Variants in ADAM9 observed in about 807,000 individuals in gnomAD.
The protein encoded by ADAM9 is ADAM metallopeptidase domain 9, also known as disintegrin and metalloproteinase domain-containing protein 9.
A neutral mutation model predicts 108.1 loss-of-function variants in ADAM9; 54 were observed. The ratio of observed to expected loss-of-function variants is 0.50; its 90% confidence interval spans 0.40 to 0.63. The LOEUF is 0.63. Among genes scored for constraint, ADAM9 ranks in the 20% least tolerant of loss-of-function variants. ADAM9 has a pLI of 0.00. For synonymous variants in ADAM9, 316 were observed against 336.0 expected, an observed-to-expected ratio of 0.94 and a Z score of 0.65; for missense variants, 830 against 997.7, an observed-to-expected ratio of 0.83 and a Z score of 2.26.
intron 1 of ADAM9, among the ~76,000 whole-genome samples, chr8:39,007,194 G>C (rs1238736051): frequency 1.3e-5 from 2 of 152,118 alleles, no homozygotes; most frequent in African/African-American, 2.4e-5. Context: ...CAAGAGAGAT[G>C]GGGGAGAGAG....
chr8:39,055,772 A>C lies in ADAM9; in HGVS notation c.1591A>C (p.Lys531Gln). 1.2e-6 allele frequency: 2 copies of C among 1,612,516 alleles called. No homozygotes were observed. Among genetic ancestry groups the C allele is most frequent in the South Asian group, 1.1e-5 (1 of 90,990 alleles). Residue 531 changes from lysine (K) to glutamine (Q), a missense_variant and splice_region_variant, in exon 14 of 22, where the codon AAA becomes CAA. By Grantham distance (53) the Lys-to-Gln change is moderately conservative. Transcript: ENST00000487273. ...TCAATGTCAAGTCATCTTTGGCTCA[A>C]GTAAGATATCATCATTTATAATTGA... ...DAQCQVIFGS[K>Q]AKAAPKDCFI...
chr8:39,016,259 T>G, intron 5 of ADAM9, 65 bp downstream of exon 5: 1 of 1,407,726 alleles, frequency 7.1e-7, no homozygotes, highest in Non-Finnish European at 1.0e-6. Flanking sequence ...TTCCTGTTTC[T>G]GTCTCCAAAT....
intron 14 of ADAM9, among the ~76,000 whole-genome samples, chr8:39,069,358 C>A (rs1440848875): frequency 6.6e-6 from 1 of 152,060 alleles, no homozygotes; most frequent in African/African-American, 2.4e-5. Context: ...AAAGATAAGT[C>A]AATTCTGGTG....
intron 4 of ADAM9, chr8:39,015,907 C>T: frequency 1.8e-6 from 1 of 546,382 alleles, no homozygotes; most frequent in East Asian, 3.1e-5. Context: ...GGAATTTTGC[C>T]TAAACATTTG....
chr8:39,046,027 A>G (rs978493038), intron 12 of ADAM9, among the ~76,000 whole-genome samples: 1 of 152,028 alleles, frequency 6.6e-6, no homozygotes, highest in Non-Finnish European at 1.5e-5. Context: ...CTTCTGAGGA[A>G]TGGATTTTAT....
In ADAM9 at chr8:39,083,085, A is replaced by G. The variant is rs770577298; in HGVS notation, c.2068+12A>G. 4.4e-6 allele frequency: 7 copies of G among 1,608,892 alleles called. No individual in the cohort carries two copies. In the South Asian group the frequency reaches 7.7e-5, roughly 18 times the overall value. On this transcript the variant is annotated intron_variant, in intron 18 of 21. Coordinates refer to ENST00000487273, the MANE Select transcript of ADAM9 (RefSeq NM_003816.3). ...ACCTACATACAATGGCAAGTAATAT[A>G]GAAGAAAATTAGTGTGATCTCCCAG...
intron 21 of ADAM9, 33 bp downstream of exon 21, chr8:39,101,963 A>G: frequency 6.4e-7 from 1 of 1,555,834 alleles, no homozygotes; most frequent in Non-Finnish European, 8.9e-7. Context: ...TTTTTTGGCC[A>G]GAATAAAACC....
rs1376392857 is a variant in ADAM9 at position 39,104,872 on chromosome 8, C to T, written c.*1172C>T. On this transcript the variant is annotated 3_prime_UTR_variant, in exon 22 of 22. Coordinates refer to ENST00000487273, the MANE Select transcript of ADAM9 (RefSeq NM_003816.3). ...TTAAGCACTAAAAATTTTTTCATAA[C>T]CTTTCATAATAAAGTTTAATAATAG... 5 of 442,006 alleles carry T rather than the reference C, an allele frequency of 1.1e-5. No individual in the cohort carries two copies. Among genetic ancestry groups the T allele is most frequent in the South Asian group, 4.9e-5 (3 of 60,806 alleles). The allele number at this position is 442,006 out of a possible 1,614,324, so 27.4% of individuals were successfully genotyped here.
chr8:39,069,228 T>G (rs1838597344), intron 14 of ADAM9, among the ~76,000 whole-genome samples: 1 of 152,114 alleles, frequency 6.6e-6, no homozygotes, highest in Non-Finnish European at 1.5e-5. Flanking sequence ...CCAGTTCCAT[T>G]GTCTGTGGGT....
chr8:39,042,024 T>C lies in ADAM9; in HGVS notation c.1209T>C (p.Leu403=), dbSNP rs746132830. The change falls in exon 12 of 22, where the codon CTT becomes CTC. Residue 403 remains leucine (L), a synonymous_variant. Coordinates refer to ENST00000487273, the MANE Select transcript of ADAM9 (RefSeq NM_003816.3). ...TAAATAAAGGAGGAAACTGCCTTCT[T>C]AATATTCCAAAGCCTGATGAAGCCT... The part of the protein sequence containing the change: ...LTLNKGGNCL[L]NIPKPDEAYS... The C allele has an allele frequency of 6.2e-7, 1 of 1,614,146 alleles. No individual in the cohort carries two copies. The highest frequency in any genetic ancestry group is 8.5e-7 in the Non-Finnish European group (1 of 1,179,958).
intron 11 of ADAM9, among the ~76,000 whole-genome samples, chr8:39,031,974 C>A (rs1383224719): frequency 2.0e-5 from 3 of 152,210 alleles, no homozygotes; most frequent in African/African-American, 7.2e-5. Context: ...TGGGTATTAC[C>A]AGTGGAGGCT....
In ADAM9 at chr8:39,090,120, T is replaced by C; in HGVS notation, c.2142T>C (p.Ile714=). The C allele has an allele frequency of 6.2e-7, 1 of 1,613,994 alleles. No homozygotes were observed. Among genetic ancestry groups the C allele is most frequent in the Non-Finnish European group, 8.5e-7 (1 of 1,179,932 alleles). ...FLIVPLIVCA[I]FIFIKRDQLW... ...TTGTTCCCCTTATTGTCTGTGCTATTTTTATCTTCATCAAGAGGGATCAAC... is the reference window on the plus strand; with the variant it reads ...TTGTTCCCCTTATTGTCTGTGCTATCTTTATCTTCATCAAGAGGGATCAAC... The change falls in exon 19 of 22, where the codon ATT becomes ATC. Residue 714 remains isoleucine, a synonymous_variant. Coordinates refer to ENST00000487273, the MANE Select transcript of ADAM9 (RefSeq NM_003816.3).
chr8:39,074,701 A>G (rs1188503527), intron 15 of ADAM9, among the ~76,000 whole-genome samples: 1 of 151,968 alleles, frequency 6.6e-6, no homozygotes, highest in Non-Finnish European at 1.5e-5. Flanking sequence ...CACACATTGC[A>G]TTTAGTTGTT....
chr8:39,022,629 GA>G (rs1404588036), intron 8 of ADAM9, among the ~76,000 whole-genome samples: 1 of 152,102 alleles, frequency 6.6e-6, no homozygotes, highest in Non-Finnish European at 1.5e-5. Flanking sequence ...TCAGATTTTA[GA>G]ATAGAAGATA....
chr8:39,085,947 G>T (rs1839167755), intron 18 of ADAM9, among the ~76,000 whole-genome samples: 1 of 150,792 alleles, frequency 6.6e-6, no homozygotes, highest in African/African-American at 2.4e-5. Flanking sequence ...TTGGCTGCTT[G>T]GTGTTATTTC....
At chr8:39,097,400 A>G (rs534789896) in intron 20 of ADAM9, among the ~76,000 whole-genome samples, 2 of 88,430 alleles carry the variant, frequency 2.3e-5, no homozygotes, top group Admixed American at 2.4e-4. Flanking sequence ...TCCGCCTCCC[A>G]GGTTCAAGCA....
At chr8:39,045,166 ATATG>A (rs1837639750) in intron 12 of ADAM9, among the ~76,000 whole-genome samples, 3 of 114,668 alleles carry the variant, frequency 2.6e-5, no homozygotes, top group Admixed American at 8.9e-5. Flanking sequence ...ATACATACAT[ATATG>A]TGTATATATG....
At chr8:39,086,003 C>A (rs1219351186) in intron 18 of ADAM9, among the ~76,000 whole-genome samples, 1 of 148,416 alleles carries the variant, frequency 6.7e-6, no homozygotes, top group Non-Finnish European at 1.5e-5. Flanking sequence ...GTTTTTTTTT[C>A]TTAAATTTTA....
chr8:39,021,784 A>G (rs1836749512), intron 8 of ADAM9, 70 bp downstream of exon 8: 1 of 1,387,842 alleles, frequency 7.2e-7, no homozygotes, highest in Non-Finnish European at 1.0e-6. Context: ...GAACTTAAAA[A>G]TGTCTCATTT....
Sources: allele counts gnomAD v4.1 joint callset (sites outside exome capture counted in the v4.1 genomes callset), GRCh38; gene constraint gnomAD v4.1.1; transcripts MANE v1.5; gene names NCBI Gene and HGNC (gene_info 2026-07-23, HGNC 2026-07-21).